Variants in SMURF1 observed in about 807,000 individuals in gnomAD.
The protein encoded by SMURF1 is E3 ubiquitin-protein ligase SMURF1.
SMURF1 carries 44 observed loss-of-function variants against 98.0 expected under a neutral mutation model. The observed-to-expected ratio is 0.45, with a 90% CI of 0.35 to 0.58. The LOEUF (loss-of-function observed/expected upper bound fraction) is 0.58. Ranked by LOEUF, SMURF1 falls within the 20% of genes least tolerant of loss-of-function variation. The pLI, the probability that SMURF1 is intolerant of heterozygous loss-of-function variation, is 0.00. For synonymous variants in SMURF1, 396 were observed against 374.9 expected (o/e 1.06, Z -0.65); for missense variants, 687 against 938.4 (o/e 0.73, Z 3.50).
intron 3 of SMURF1, among the ~76,000 whole-genome samples, chr7:99,059,410 AATAAAAT>A: frequency 3.2e-5 from 1 of 31,744 alleles, no homozygotes; most frequent in African/African-American, 1.6e-4. Flanking sequence ...AAAAAAATAA[AATAAAAT>A]AAAATAAAAT....
rs149716886 is a variant in SMURF1 at position 99,038,373 on chromosome 7, G to A, written c.1688+15C>T. The A allele has an allele frequency of 3.7e-5, 59 of 1,613,102 alleles. No homozygotes were observed. The Middle Eastern group carries it at 5.3e-4, about 14-fold the overall frequency. On this transcript the variant is annotated intron_variant, in intron 14 of 17. Transcript: ENST00000361368. Reference sequence around the variant, plus strand: ...GCGCCCCAGGCACCTGGCCGTCCCCGACAGGTGGCATTACCGGACGTATTC... The same window carrying A: ...GCGCCCCAGGCACCTGGCCGTCCCCAACAGGTGGCATTACCGGACGTATTC...
rs62472974 is a variant in SMURF1 at position 99,069,914 on chromosome 7, C to A, written c.56-8077G>T. ...TAAATGATCAAATGATTTCTTCCTGCGGGGAAAACTGTCTAAGTTAACAAA... is the reference window on the plus strand; with the variant it reads ...TAAATGATCAAATGATTTCTTCCTGAGGGGAAAACTGTCTAAGTTAACAAA... On this transcript the variant is annotated intron_variant, in intron 1 of 17. Coordinates refer to ENST00000361368, the MANE Select transcript of SMURF1 (RefSeq NM_181349.3). 1.1e-4 allele frequency among the ~76,000 whole-genome samples: 17 copies of A among 152,290 alleles called. No individual in the cohort carries two copies. The South Asian group carries it at 2.7e-3, about 24-fold the overall frequency.
chr7:99,085,647 G>A (rs1308614391), intron 1 of SMURF1, among the ~76,000 whole-genome samples: 1 of 152,118 alleles, frequency 6.6e-6, no homozygotes, highest in African/African-American at 2.4e-5. Flanking sequence ...TTCACTCGTG[G>A]TGCAGTACAT....
chr7:99,129,334 G>C (rs534035699), intron 1 of SMURF1, among the ~76,000 whole-genome samples: 1 of 152,234 alleles, frequency 6.6e-6, no homozygotes, highest in South Asian at 2.1e-4. Context: ...AGTGCATGTG[G>C]ATTATTTCAT....
chr7:99,051,105 A>T, intron 8 of SMURF1: 1 of 1,010,872 alleles, frequency 9.9e-7, no homozygotes, highest in Non-Finnish European at 1.5e-6. Flanking sequence ...GATCATAAGG[A>T]ATTGCTGTGT....
chr7:99,087,393 C>CA (rs1054125088), intron 1 of SMURF1, among the ~76,000 whole-genome samples: 5 of 151,558 alleles, frequency 3.3e-5, no homozygotes, highest in Non-Finnish European at 4.4e-5. Flanking sequence ...TTAAAACAAA[C>CA]AAAAAAAATT....
chr7:99,143,693 C>A lies in SMURF1; in HGVS notation c.55+33G>T, dbSNP rs373264590. On this transcript the variant is annotated intron_variant, in intron 1 of 17. Transcript: ENST00000361368. ...GAATTCCGGGGCGGGCGAGGGGGCG[C>A]CGGGGCGCGGGTGGGCCTCCCGCCG... The A allele has an allele frequency of 3.4e-5, 52 of 1,535,256 alleles. No individual in the cohort carries two copies. The African/African-American group carries it at 6.6e-4, about 19-fold the overall frequency.
chr7:99,078,949 T>C (rs1183870006), intron 1 of SMURF1, among the ~76,000 whole-genome samples: 1 of 152,054 alleles, frequency 6.6e-6, no homozygotes, highest in African/African-American at 2.4e-5. Context: ...CACGGAAAAA[T>C]TGTCTTCCAT....
At chr7:99,079,926 G>A (rs1042945231) in intron 1 of SMURF1, among the ~76,000 whole-genome samples, 1 of 151,540 alleles carries the variant, frequency 6.6e-6, no homozygotes, top group African/African-American at 2.4e-5. Context: ...AAAGATAATA[G>A]TGCAGGTTAA....
chr7:99,063,941 T>G (rs1796129451), intron 1 of SMURF1, among the ~76,000 whole-genome samples: 3 of 152,012 alleles, frequency 2.0e-5, no homozygotes, highest in South Asian at 4.1e-4. Context: ...CCAGCACACT[T>G]TGGGAGGCCG....
chr7:99,122,517 G>A (rs1252951036), intron 1 of SMURF1, among the ~76,000 whole-genome samples: 1 of 151,120 alleles, frequency 6.6e-6, no homozygotes, highest in South Asian at 2.1e-4. Flanking sequence ...GGTGGCGGGC[G>A]CCTGTAATCC....
chr7:99,115,392 G>A (rs1233930704), intron 1 of SMURF1, among the ~76,000 whole-genome samples: 1 of 152,018 alleles, frequency 6.6e-6, no homozygotes, highest in East Asian at 1.9e-4. Flanking sequence ...CAGGAGTTTT[G>A]AGACTAGCCT....
intron 1 of SMURF1, among the ~76,000 whole-genome samples, chr7:99,068,022 T>C (rs1796238582): frequency 1.3e-5 from 2 of 152,228 alleles, no homozygotes; most frequent in African/African-American, 2.4e-5. Flanking sequence ...CTTAGTACTT[T>C]ATTCAATCTT....
intron 5 of SMURF1, 60 bp downstream of exon 5, chr7:99,057,145 T>C (rs1795896180): frequency 6.3e-7 from 1 of 1,583,886 alleles, no homozygotes; most frequent in Non-Finnish European, 8.7e-7. Flanking sequence ...TTCTCGGCGA[T>C]GAAGGGTTGA....
intron 11 of SMURF1, among the ~76,000 whole-genome samples, chr7:99,044,520 C>A (rs1339051298): frequency 6.6e-6 from 1 of 152,082 alleles, no homozygotes; most frequent in Non-Finnish European, 1.5e-5. Flanking sequence ...TAAATCTTAA[C>A]CTTGACAACA....
intron 13 of SMURF1, 81 bp downstream of exon 13, chr7:99,040,297 G>GCA: frequency 1.6e-6 from 2 of 1,250,634 alleles, no homozygotes; most frequent in Non-Finnish European, 2.1e-6. Flanking sequence ...ACACACACGC[G>GCA]CGCGCGCGCG....
intron 1 of SMURF1, among the ~76,000 whole-genome samples, chr7:99,125,057 TTTCATTCATTCATTCA>T (rs56017007): frequency 1.2e-4 from 18 of 149,782 alleles, no homozygotes; most frequent in Admixed American, 2.0e-4. Context: ...CAATAAAAAT[TTTCATTCATTCATTCA>T]TTCATTCATT....
chr7:99,045,500 G>A (rs575757235), intron 11 of SMURF1, 198 bp downstream of exon 11: 11 of 531,410 alleles, frequency 2.1e-5, no homozygotes, highest in Middle Eastern at 4.5e-4. Flanking sequence ...TATGGCAAGA[G>A]GCTGGCACGA....
intron 15 of SMURF1, 60 bp from the exon 16 acceptor site, chr7:99,035,776 C>T (rs934235810): frequency 2.0e-5 from 30 of 1,519,238 alleles, no homozygotes; most frequent in Non-Finnish European, 2.6e-5. Context: ...TCAGGATGCG[C>T]CTCCTAGGTA....
Sources: gnomAD v4.1 joint callset for allele counts (sites outside exome capture counted in the v4.1 genomes callset) on GRCh38, gnomAD v4.1.1 for gene constraint, MANE v1.5 for transcripts, NCBI Gene and HGNC (gene_info 2026-07-23, HGNC 2026-07-21) for gene names.